The following DLGAP4 variants were observed in gnomAD, a reference collection of about 807,000 sequenced individuals.
The protein encoded by DLGAP4 is disks large-associated protein 4.
A neutral mutation model predicts 86.9 loss-of-function variants in DLGAP4; 18 were observed. That is an observed-to-expected ratio of 0.21 (90% CI 0.14 to 0.31). DLGAP4 has a LOEUF of 0.31. Ranked by LOEUF, DLGAP4 falls within the 10% of genes least tolerant of loss-of-function variation. The pLI is 1.00. For missense variants in DLGAP4, 1,085 were observed against 1,362.6 expected, an observed-to-expected ratio of 0.80 and a Z score of 3.21; for synonymous variants, 548 against 574.3, an observed-to-expected ratio of 0.95 and a Z score of 0.65.
intron 5 of DLGAP4, among the ~76,000 whole-genome samples, chr20:36,440,605 G>C (rs978416565): frequency 6.6e-6 from 1 of 152,284 alleles, no homozygotes; most frequent in Admixed American, 6.5e-5. Context: ...GAGGCTCAGA[G>C]AGGTGAAGTC....
chr20:36,359,988 T>G (rs1555894086), intron 1 of DLGAP4, among the ~76,000 whole-genome samples: 1 of 152,174 alleles, frequency 6.6e-6, no homozygotes, highest in Non-Finnish European at 1.5e-5. Context: ...GGTAGGGGCA[T>G]GCGTCCTCTC....
intron 2 of DLGAP4, among the ~76,000 whole-genome samples, chr20:36,421,571 C>A (rs966916467): frequency 6.6e-6 from 1 of 151,802 alleles, no homozygotes; most frequent in Non-Finnish European, 1.5e-5. Flanking sequence ...TGGGGCAGGG[C>A]TGTGGAGGTG....
rs2033125130 is a variant in DLGAP4, at chr20:36,431,330, A to G, written c.-72-316A>G. Among the ~76,000 whole-genome samples, 1 of 151,984 alleles carries G rather than the reference A, an allele frequency of 6.6e-6. No individual in the cohort carries two copies. The highest frequency in any genetic ancestry group is 2.4e-5 in the African/African-American group (1 of 41,404). On this transcript the variant is annotated intron_variant, in intron 2 of 12. Coordinates refer to ENST00000339266, the MANE Select transcript of DLGAP4 (RefSeq NM_001365621.2). The surrounding 1 kb of genome is among the most constrained non-coding windows in gnomAD (Gnocchi z 5.1). ...GTGGAGGATGGGCAGCCCCCCACCC[A>G]TATTTCATCATGGAATTCAGAGGAG...
intron 2 of DLGAP4, among the ~76,000 whole-genome samples, chr20:36,391,137 C>T (rs1341962389): frequency 6.6e-6 from 1 of 152,106 alleles, no homozygotes; most frequent in East Asian, 1.9e-4. Context: ...CAGATTGTGC[C>T]CTGAGGGTTC....
At chr20:36,361,754 C>T (rs1249687727) in intron 1 of DLGAP4, among the ~76,000 whole-genome samples, 1 of 151,890 alleles carries the variant, frequency 6.6e-6, no homozygotes, top group Non-Finnish European at 1.5e-5. Flanking sequence ...AGGTGGAGCA[C>T]TTGAGGTCAG....
intron 1 of DLGAP4, among the ~76,000 whole-genome samples, chr20:36,358,329 A>C (rs1476597237): frequency 7.9e-5 from 12 of 152,144 alleles, no homozygotes; most frequent in African/African-American, 2.9e-4. Context: ...CTGATGCATG[A>C]ACCTCACTCT....
At chr20:36,501,087 C>CG (rs1292115436) in intron 10 of DLGAP4, among the ~76,000 whole-genome samples, 3 of 136,972 alleles carry the variant, frequency 2.2e-5, no homozygotes, top group African/African-American at 9.1e-5. Context: ...TTTTTTGAGA[C>CG]GGAGTCTTGC....
chr20:36,525,943 C>T lies in DLGAP4; in HGVS notation c.2697C>T (p.Phe899=), dbSNP rs147941086. The T allele has an allele frequency of 5.0e-6, 8 of 1,613,744 alleles. No individual in the cohort carries two copies. The highest frequency in any genetic ancestry group is 2.7e-5 in the African/African-American group (2 of 74,820). Residue 899 remains phenylalanine (F), a synonymous_variant, in exon 12 of 13, where the codon TTC becomes TTT. Coordinates refer to ENST00000339266, the MANE Select transcript of DLGAP4 (RefSeq NM_001365621.2). ...QLSIEDISMK[F]DELYHLKANS... ...CCATCGAGGATATCAGCATGAAGTT[C>T]GATGAACTCTACCACCTCAAGGCCA...
intron 1 of DLGAP4, among the ~76,000 whole-genome samples, chr20:36,362,471 T>C (rs1037357399): frequency 6.6e-6 from 1 of 152,088 alleles, no homozygotes; most frequent in Non-Finnish European, 1.5e-5. Flanking sequence ...TGTCCACAGA[T>C]GGCCAGCAGA....
In DLGAP4 at chr20:36,432,514, C is replaced by T; in HGVS notation, c.797C>T (p.Ala266Val). The stretch of plus-strand genomic sequence containing the variant: ...AAGAACAACACTACTGAGCTGACTG[C>T]CCCACCACCCCCGCCCGCACCCCCA... ...TTKNNTTELT[A>V]PPPPPAPPAT... The change falls in exon 3 of 13, where the codon GCC (alanine) becomes GTC (valine). Residue 266 changes from alanine to valine, a missense_variant. Around this residue, in one of 2 missense-constraint regions of DLGAP4, gnomAD observed 1,082 missense variants for 1,344.1 expected, o/e 0.81. Coordinates refer to ENST00000339266, the MANE Select transcript of DLGAP4 (RefSeq NM_001365621.2). This position sits in a 1 kb window ranked among gnomAD's most constrained non-coding sequence, Gnocchi z 6.5. 2.5e-6 allele frequency: 4 copies of T among 1,612,532 alleles called. No homozygotes were observed. Among genetic ancestry groups the T allele is most frequent in the Non-Finnish European group, 3.4e-6 (4 of 1,179,842 alleles).
chr20:36,486,831 C>G (rs2035439030), intron 7 of DLGAP4, among the ~76,000 whole-genome samples: 1 of 151,822 alleles, frequency 6.6e-6, no homozygotes, highest in African/African-American at 2.4e-5. Context: ...AGGCTGGTCT[C>G]AAACTCCTGA....
chr20:36,459,065 C>T (rs1202651910), intron 7 of DLGAP4, among the ~76,000 whole-genome samples: 3 of 152,158 alleles, frequency 2.0e-5, no homozygotes, highest in Non-Finnish European at 4.4e-5. Context: ...TCTTCACCCC[C>T]CGGATGGGGA....
intron 2 of DLGAP4, among the ~76,000 whole-genome samples, chr20:36,425,408 TA>T (rs1174151176): frequency 1.3e-5 from 2 of 152,172 alleles, no homozygotes; most frequent in African/African-American, 4.8e-5. Context: ...AGGATGACTA[TA>T]ATTTTTTTAA....
chr20:36,383,805 C>G (rs890798186), intron 2 of DLGAP4, among the ~76,000 whole-genome samples: 1 of 151,904 alleles, frequency 6.6e-6, no homozygotes, highest in African/African-American at 2.4e-5. Flanking sequence ...GAAACGCCGT[C>G]TCTACTAAAA....
At chr20:36,354,208 G>A (rs782176946) in intron 1 of DLGAP4, among the ~76,000 whole-genome samples, 43 of 152,086 alleles carry the variant, frequency 2.8e-4, no homozygotes, top group Non-Finnish European at 5.4e-4. Context: ...TTTCCCTGGG[G>A]TTCTCCTGGA....
chr20:36,372,405 C>G (rs2030977013), intron 2 of DLGAP4, among the ~76,000 whole-genome samples: 1 of 152,172 alleles, frequency 6.6e-6, no homozygotes. Flanking sequence ...CAGGTCAGCA[C>G]CAACCCACAC....
intron 1 of DLGAP4, among the ~76,000 whole-genome samples, chr20:36,363,474 C>T (rs1269544496): frequency 1.3e-5 from 2 of 152,226 alleles, no homozygotes; most frequent in South Asian, 2.1e-4. Context: ...GCTCGGTCCA[C>T]AGCGGTGGCA....
intron 7 of DLGAP4, among the ~76,000 whole-genome samples, chr20:36,477,429 C>T (rs564174358): frequency 1.3e-5 from 2 of 152,326 alleles, no homozygotes; most frequent in African/African-American, 4.8e-5. Flanking sequence ...CACATCTAAG[C>T]TTATGTGTGG....
chr20:36,476,687 ATT>A (rs74173983), intron 7 of DLGAP4, among the ~76,000 whole-genome samples: 2 of 91,534 alleles, frequency 2.2e-5, no homozygotes, highest in South Asian at 4.0e-4. Flanking sequence ...CACTAGCCCA[ATT>A]TTTTTTTTTT....
Sources: allele counts gnomAD v4.1 joint callset (sites outside exome capture counted in the v4.1 genomes callset), GRCh38; gene constraint gnomAD v4.1.1; regional missense constraint gnomAD v4.1.1; non-coding constraint Gnocchi (gnomAD v3.1); transcripts MANE v1.5; gene names NCBI Gene and HGNC (gene_info 2026-07-23, HGNC 2026-07-21).